NEB: variants seen among roughly 807,000 people sequenced by gnomAD.
NEB encodes the protein nemaline myopathy type 2.
A neutral mutation model predicts 952.2 loss-of-function variants in NEB; 512 were observed. The ratio of observed to expected loss-of-function variants is 0.54; its 90% CI spans 0.50 to 0.58. NEB has a LOEUF of 0.58. Among genes scored for constraint, NEB ranks in the 20% least tolerant of loss-of-function variants. NEB has a pLI of 0.00. For synonymous variants in NEB, 2,900 were observed against 3,149.8 expected (o/e 0.92, Z 2.66); for missense variants, 8,428 against 9,231.1 (o/e 0.91, Z 3.56).
At chr2:151,524,725 G>A in intron 151 of NEB, 109 bp from the exon 152 acceptor site, 1 of 863,624 alleles carries the variant, frequency 1.2e-6, no homozygotes, top group South Asian at 1.7e-5. Flanking sequence ...TGAGTGCAGT[G>A]GTACAATCTC....
At position 151,574,854 on chromosome 2, in the gene NEB, C is replaced by T. The variant is rs145367730; in HGVS notation, c.17013+841G>A. Among the ~76,000 whole-genome samples the T allele has an allele frequency of 4.7e-4, 72 of 152,196 alleles. No individual in the cohort carries two copies. In the East Asian group the frequency reaches 0.012, roughly 26 times the overall value. ...TCAAGTGATCCTCCCACCTGAGCCT[C>T]CCAAGTAACTTGGGCCACAGGTGCA... On this transcript the variant is annotated intron_variant, in intron 107 of 181. Coordinates refer to ENST00000397345, the MANE Select transcript of NEB (RefSeq NM_001164508.2).
Position 151,644,506 on chromosome 2 carries a change from T to C in NEB, c.7606A>G (p.Ile2536Val). 1.9e-6 allele frequency: 3 copies of C among 1,613,954 alleles called. No homozygotes were observed. The highest frequency in any genetic ancestry group is 2.5e-6 in the Non-Finnish European group (3 of 1,179,838). The change falls in exon 56 of 182, where the codon ATC (isoleucine) becomes GTC (valine). Residue 2536 changes from isoleucine to valine, a missense_variant. By Grantham distance (29) the Ile-to-Val change is conservative. Around this residue, in one of 11 missense-constraint regions of NEB, gnomAD observed 1,772 missense variants for 1,960.3 expected, o/e 0.90. Coordinates refer to ENST00000397345, the MANE Select transcript of NEB (RefSeq NM_001164508.2). ...GYDLPVDAIP[I>V]KAAKASREIA... is the part of the protein sequence containing the mutation. ...TCCCGGGAGGCTTTTGCTGCTTTGA[T>C]TGGTATGGCATCAACAGGAAGATCG...
chr2:151,630,578 C>T (rs535729072), intron 67 of NEB, 137 bp downstream of exon 67: 1 of 642,800 alleles, frequency 1.6e-6, no homozygotes, highest in Non-Finnish European at 2.7e-6. Context: ...ATATTTAACC[C>T]AGAGATGAAA....
intron 146 of NEB, 66 bp from the exon 147 acceptor site, chr2:151,527,651 G>T: frequency 1.9e-6 from 2 of 1,078,518 alleles, no homozygotes; most frequent in Non-Finnish European, 2.8e-6. Context: ...CACACACATG[G>T]CACAGAGGGG....
At chr2:151,704,186 AGG>A (rs1266990730) in intron 13 of NEB, among the ~76,000 whole-genome samples, 1 of 60,686 alleles carries the variant, frequency 1.6e-5, no homozygotes. Flanking sequence ...GTCAGGGGTC[AGG>A]GACCCACTTG....
At position 151,677,475 on chromosome 2, in the gene NEB, T is replaced by C. The variant is rs2099376354; in HGVS notation, c.3774+90A>G. 3.2e-6 allele frequency: 3 copies of C among 941,654 alleles called. No homozygotes were observed. The African/African-American group carries it at 5.0e-5, about 16-fold the overall frequency. The allele number at this position is 941,654 out of a possible 1,614,324, so 58.3% of individuals were successfully genotyped here. A position where few individuals can be genotyped will look rare whatever the true frequency, so the allele number is the denominator to read the frequency against. On this transcript the variant is annotated intron_variant, in intron 34 of 181. Coordinates refer to ENST00000397345, the MANE Select transcript of NEB (RefSeq NM_001164508.2). ...AAAATAATTTAAAATGGAAAGATATTGGCCCAGAAAAAAAATATATTGGGC... is the reference window on the plus strand; with the variant it reads ...AAAATAATTTAAAATGGAAAGATATCGGCCCAGAAAAAAAATATATTGGGC...
intron 136 of NEB, among the ~76,000 whole-genome samples, chr2:151,541,098 C>G (rs2093990753): frequency 6.6e-6 from 1 of 152,018 alleles, no homozygotes; most frequent in Non-Finnish European, 1.5e-5. Context: ...TGATAGACCC[C>G]TCAACATATT....
At chr2:151,528,406 A>G (rs2088010820) in intron 146 of NEB, among the ~76,000 whole-genome samples, 1 of 152,150 alleles carries the variant, frequency 6.6e-6, no homozygotes, top group Admixed American at 6.5e-5. Flanking sequence ...ATTTTGAAAA[A>G]TTTCAAACAT....
chr2:151,551,616 A>G, intron 129 of NEB, 122 bp downstream of exon 129: 1 of 737,290 alleles, frequency 1.4e-6, no homozygotes, highest in South Asian at 1.8e-5. Flanking sequence ...TTGTTTTTTC[A>G]CCTCATGTGA....
chr2:151,677,667 A>C lies in NEB; in HGVS notation c.3672T>G (p.Asn1224Lys). The change falls in exon 34 of 182, where the codon AAT (asparagine) becomes AAG (lysine). Residue 1224 changes from asparagine to lysine, a missense_variant. Asn to Lys is a moderately conservative substitution (Grantham distance 94). Coordinates refer to ENST00000397345, the MANE Select transcript of NEB (RefSeq NM_001164508.2). Reference sequence around the variant, plus strand: ...CTGGATGTTGCCTGTACTTCTTTTCATTCAGAGCATCACCGGCCTTTTTAA... The same window carrying C: ...CTGGATGTTGCCTGTACTTCTTTTCCTTCAGAGCATCACCGGCCTTTTTAA... ...EKVKKAGDAL[N>K]EKKYRQHPDT... 1 of 1,613,952 alleles carries C rather than the reference A, an allele frequency of 6.2e-7. No individual in the cohort carries two copies. Among genetic ancestry groups the C allele is most frequent in the Non-Finnish European group, 8.5e-7 (1 of 1,179,890 alleles).
Position 151,676,353 on chromosome 2 carries a change from C to G in NEB, c.3775-962G>C, listed in dbSNP as rs527904939. Reference sequence around the variant, plus strand: ...CTGCCTTAGCTTCAGTCCAATTAAGCCTTCCTTGGATTTCGGTGACAGCCT... The same window carrying G: ...CTGCCTTAGCTTCAGTCCAATTAAGGCTTCCTTGGATTTCGGTGACAGCCT... On this transcript the variant is annotated intron_variant, in intron 34 of 181. Coordinates refer to ENST00000397345, the MANE Select transcript of NEB (RefSeq NM_001164508.2). Among the ~76,000 whole-genome samples, 4 of 152,302 alleles carry G rather than the reference C, an allele frequency of 2.6e-5. No individual in the cohort carries two copies. In the East Asian group the frequency reaches 7.7e-4, roughly 29 times the overall value.
intron 54 of NEB, 99 bp downstream of exon 54, chr2:151,650,077 G>A (rs1400861927): frequency 2.8e-6 from 3 of 1,070,316 alleles, no homozygotes; most frequent in Non-Finnish European, 4.2e-6. Flanking sequence ...GATGTATGAG[G>A]CAATGCTTTG....
At chr2:151,661,388 A>G (rs1452987927) in intron 46 of NEB, among the ~76,000 whole-genome samples, 1 of 152,200 alleles carries the variant, frequency 6.6e-6, no homozygotes, top group African/African-American at 2.4e-5. Flanking sequence ...GTGGCTTAGC[A>G]TAATACAGTT....
intron 161 of NEB, among the ~76,000 whole-genome samples, chr2:151,511,473 A>G (rs1280454551): frequency 2.0e-5 from 3 of 152,210 alleles, no homozygotes; most frequent in Non-Finnish European, 4.4e-5. Context: ...AAAATTAAAA[A>G]CAAACAAAAA....
intron 124 of NEB, among the ~76,000 whole-genome samples, chr2:151,559,233 ACAATG>A (rs2153692816): frequency 6.6e-6 from 1 of 152,362 alleles, no homozygotes; most frequent in South Asian, 2.1e-4. Context: ...AATCAAAACC[ACAATG>A]AGATACCATC....
At chr2:151,525,322 A>C (rs2085065335) in intron 150 of NEB, 49 bp from the exon 151 acceptor site, 1 of 1,372,854 alleles carries the variant, frequency 7.3e-7, no homozygotes. Context: ...CTGGGAACAG[A>C]GTTGGTTTAC....
At position 151,540,873 on chromosome 2, in the gene NEB, C is replaced by A. The variant is rs1022370912; in HGVS notation, c.20683-72G>T. The A allele has an allele frequency of 1.3e-5, 16 of 1,257,782 alleles. No homozygotes were observed. In the Admixed American group the frequency reaches 2.8e-4, roughly 22 times the overall value. The allele number at this position is 1,257,782 out of a possible 1,614,324, so 77.9% of individuals were successfully genotyped here. On this transcript the variant is annotated intron_variant, in intron 136 of 181. Coordinates refer to ENST00000397345, the MANE Select transcript of NEB (RefSeq NM_001164508.2). ...TATTTAGCATTCAGTCCACTTCATTCATTTCTAACCATTCAGTGGGAAGGT... is the reference window on the plus strand; with the variant it reads ...TATTTAGCATTCAGTCCACTTCATTAATTTCTAACCATTCAGTGGGAAGGT...
intron 137 of NEB, 101 bp from the exon 138 acceptor site, chr2:151,540,549 C>G (rs2093905531): frequency 1.8e-6 from 2 of 1,126,058 alleles, no homozygotes; most frequent in Non-Finnish European, 2.6e-6. Context: ...GTGTTACACA[C>G]TTTAAGAGAA....
rs746502484 is a variant in NEB at position 151,684,926 on chromosome 2, G to A, written c.2687C>T (p.Pro896Leu). 10 of 1,612,930 alleles carry A rather than the reference G, an allele frequency of 6.2e-6. No homozygotes were observed. In the African/African-American group the frequency reaches 1.2e-4, roughly 19 times the overall value. The change falls in exon 28 of 182, where the codon CCT becomes CTT. Residue 896 changes from proline (P) to leucine (L), a missense_variant. Pro to Leu is a moderately conservative substitution (Grantham distance 98, BLOSUM62 -3). Coordinates refer to ENST00000397345, the MANE Select transcript of NEB (RefSeq NM_001164508.2). ...YEKSKTIYTA[P>L]LDMLQVTQAK... ...TTGAGTGACTTGGAGCATATCAAGA[G>A]GTGCCGTGTAGATAGTTTTTGACTT... is the stretch of plus-strand genomic sequence containing the variant.
Sources: allele counts gnomAD v4.1 joint callset (sites outside exome capture counted in the v4.1 genomes callset), GRCh38; gene constraint gnomAD v4.1.1; regional missense constraint gnomAD v4.1.1; transcripts MANE v1.5; gene names NCBI Gene and HGNC (gene_info 2026-07-23, HGNC 2026-07-21).